The following ADAMTS17 variants were observed in gnomAD, a reference collection of about 807,000 sequenced individuals.
The protein encoded by ADAMTS17 is A disintegrin and metalloproteinase with thrombospondin motifs 17.
In ADAMTS17, 113 loss-of-function variants were observed where a neutral mutation model predicts 141.5. The observed-to-expected ratio is 0.80, with a 90% CI of 0.69 to 0.93. ADAMTS17 has a LOEUF of 0.93. Ranked by LOEUF, ADAMTS17 falls within the 40% of genes least tolerant of loss-of-function variation. ADAMTS17 has a pLI of 0.00. For synonymous variants in ADAMTS17, 768 were observed against 630.6 expected (o/e 1.22, Z -3.27); for missense variants, 1,659 against 1,517.9 (o/e 1.09, Z -1.54).
intron 8 of ADAMTS17, among the ~76,000 whole-genome samples, chr15:100,177,437 T>C (rs2040376131): frequency 6.6e-6 from 1 of 152,234 alleles, no homozygotes; most frequent in African/African-American, 2.4e-5. Flanking sequence ...AATTTTCAAG[T>C]GTTCGGAGAT....
intron 7 of ADAMTS17, among the ~76,000 whole-genome samples, chr15:100,205,597 T>C (rs2041512616): frequency 1.3e-5 from 2 of 152,140 alleles, no homozygotes; most frequent in African/African-American, 4.8e-5. Flanking sequence ...GCTCAGGGGC[T>C]TCTGAAACAG....
At chr15:100,101,281 T>G (rs1309273986) in intron 14 of ADAMTS17, among the ~76,000 whole-genome samples, 1 of 146,042 alleles carries the variant, frequency 6.8e-6, no homozygotes, top group Non-Finnish European at 1.5e-5. Flanking sequence ...ATTTTCTTCT[T>G]CACACATACC....
At chr15:100,208,739 CACAT>C (rs1246942976) in intron 7 of ADAMTS17, among the ~76,000 whole-genome samples, 1 of 138,882 alleles carries the variant, frequency 7.2e-6, no homozygotes, top group East Asian at 2.1e-4. Flanking sequence ...AAGGGATACA[CACAT>C]GCATGTGAAA....
intron 15 of ADAMTS17, among the ~76,000 whole-genome samples, chr15:100,057,268 C>A (rs1367486820): frequency 2.6e-5 from 4 of 152,136 alleles, no homozygotes. Flanking sequence ...AAGGAAGGGG[C>A]TCACTGTGAG....
chr15:100,184,712 TC>T (rs1332579109), intron 8 of ADAMTS17, among the ~76,000 whole-genome samples: 2 of 152,126 alleles, frequency 1.3e-5, no homozygotes, highest in Non-Finnish European at 2.9e-5. Context: ...GGAACTCCGC[TC>T]CTGTGTCTGG....
chr15:100,249,624 G>A (rs1157887971), intron 7 of ADAMTS17, among the ~76,000 whole-genome samples: 2 of 152,166 alleles, frequency 1.3e-5, no homozygotes, highest in Non-Finnish European at 2.9e-5. Context: ...TCCCCCAGGT[G>A]CTGCCTGTGT....
At chr15:100,161,928 G>A (rs945122348) in intron 8 of ADAMTS17, among the ~76,000 whole-genome samples, 1 of 152,216 alleles carries the variant, frequency 6.6e-6, no homozygotes, top group African/African-American at 2.4e-5. Flanking sequence ...GAGCCCACCA[G>A]CTTTCAGGGA....
intron 15 of ADAMTS17, among the ~76,000 whole-genome samples, chr15:100,078,985 T>G (rs774363527): frequency 6.6e-6 from 1 of 152,180 alleles, no homozygotes; most frequent in Non-Finnish European, 1.5e-5. Flanking sequence ...TATTAGTCAT[T>G]AGGGAAGTGC....
intron 7 of ADAMTS17, among the ~76,000 whole-genome samples, chr15:100,206,457 C>G (rs2141683800): frequency 6.6e-6 from 1 of 152,324 alleles, no homozygotes; most frequent in South Asian, 2.1e-4. Context: ...AACACACTCA[C>G]ATTCTCTATC....
intron 10 of ADAMTS17, among the ~76,000 whole-genome samples, chr15:100,141,269 A>G (rs554983560): frequency 6.6e-6 from 1 of 152,266 alleles, no homozygotes; most frequent in Admixed American, 6.5e-5. Flanking sequence ...AGATGGCACC[A>G]TTGCTCACGT....
intron 4 of ADAMTS17, among the ~76,000 whole-genome samples, chr15:100,278,908 G>A (rs1008841816): frequency 6.6e-6 from 1 of 152,042 alleles, no homozygotes; most frequent in African/African-American, 2.4e-5. Flanking sequence ...CCCTGCTCTC[G>A]GGCCTCCTTC....
chr15:100,009,683 C>G (rs1042802400), intron 18 of ADAMTS17, among the ~76,000 whole-genome samples: 11 of 152,202 alleles, frequency 7.2e-5, no homozygotes, highest in African/African-American at 2.7e-4. Context: ...ATCCAGACAT[C>G]GGTCTTGTTA....
intron 20 of ADAMTS17, among the ~76,000 whole-genome samples, chr15:99,984,043 A>T (rs1489453912): frequency 6.6e-6 from 1 of 152,056 alleles, no homozygotes; most frequent in Non-Finnish European, 1.5e-5. Flanking sequence ...GGGAAACAGG[A>T]AATGCTTCCC....
intron 2 of ADAMTS17, among the ~76,000 whole-genome samples, chr15:100,331,594 T>G (rs2046055641): frequency 6.6e-6 from 1 of 152,194 alleles, no homozygotes; most frequent in South Asian, 2.1e-4. Context: ...CTCAAGGAAA[T>G]CGAACCCAGG....
At chr15:100,135,016 G>A (rs1166165086) in intron 10 of ADAMTS17, among the ~76,000 whole-genome samples, 1 of 152,202 alleles carries the variant, frequency 6.6e-6, no homozygotes, top group African/African-American at 2.4e-5. Flanking sequence ...GTGTGGACAT[G>A]TGCTCACAAG....
At chr15:100,258,489 C>T (rs1276237152) in intron 6 of ADAMTS17, among the ~76,000 whole-genome samples, 4 of 152,200 alleles carry the variant, frequency 2.6e-5, no homozygotes, top group African/African-American at 9.7e-5. Context: ...TATAGTTCCA[C>T]ATGGCTGGGG....
Position 100,315,530 on chromosome 15 carries a change from G to A in ADAMTS17, c.616+15359C>T, listed in dbSNP as rs1422019141. On this transcript the variant is annotated intron_variant, in intron 3 of 21. Coordinates refer to ENST00000268070, the MANE Select transcript of ADAMTS17 (RefSeq NM_139057.4). ...ATCACTGCCCTAGATAAGAGGGCAC[G>A]TTACAAGTGTAAATGCAGAAGCCTG... 7.2e-5 allele frequency among the ~76,000 whole-genome samples: 11 copies of A among 152,144 alleles called. No individual in the cohort carries two copies. The East Asian group carries it at 7.7e-4, about 11-fold the overall frequency.
intron 3 of ADAMTS17, among the ~76,000 whole-genome samples, chr15:100,298,173 T>C (rs541756902): frequency 2.0e-5 from 3 of 152,162 alleles, no homozygotes; most frequent in South Asian, 4.2e-4. Context: ...GAGACAGGAA[T>C]GCAGCTAGAA....
At chr15:100,151,457 C>A (rs900705135) in intron 10 of ADAMTS17, among the ~76,000 whole-genome samples, 1 of 152,162 alleles carries the variant, frequency 6.6e-6, no homozygotes, top group Admixed American at 6.5e-5. Context: ...GCATTGGGAC[C>A]GCATTCTGGA....
Sources: gnomAD v4.1 joint callset for allele counts (sites outside exome capture counted in the v4.1 genomes callset) on GRCh38, gnomAD v4.1.1 for gene constraint, MANE v1.5 for transcripts, NCBI Gene and HGNC (gene_info 2026-07-23, HGNC 2026-07-21) for gene names.